The following ARHGAP8 variants were observed in gnomAD, a reference collection of about 807,000 sequenced individuals.
The protein encoded by ARHGAP8 is rho GTPase-activating protein 8.
Under a neutral mutation model 46.1 loss-of-function variants are expected in ARHGAP8, and 62 were observed. The ratio of observed to expected loss-of-function variants is 1.34; its 90% CI spans 1.10 to 1.66. ARHGAP8 has a LOEUF of 1.66. Ranked by LOEUF, ARHGAP8 falls within the 40% of genes most tolerant of loss-of-function variation. The probability of loss-of-function intolerance (pLI) is 0.00; values close to 1 mark genes in which losing one functional copy is unlikely to be tolerated. For synonymous variants in ARHGAP8, 375 were observed against 243.1 expected, an observed-to-expected ratio of 1.54 and a Z score of -5.05; for missense variants, 923 against 568.4, an observed-to-expected ratio of 1.62 and a Z score of -6.34.
At position 44,854,052 on chromosome 22, in the gene ARHGAP8, A is replaced by T. The variant is rs1046961518; in HGVS notation, c.877+4992A>T. Among the ~76,000 whole-genome samples the T allele has an allele frequency of 1.0e-3, 139 of 137,804 alleles. 2 individuals carry two copies. The highest frequency in any genetic ancestry group is 1.8e-3 in the Non-Finnish European group (114 of 62,640). The allele number at this position is 137,804 out of a possible 152,430, so 90.4% of individuals were successfully genotyped here. ...AAAAAAAAAAAAAAAAAAAAAAAAAAAAAAAAAAAACCATCAGACTTTGCC... is the reference window on the plus strand; with the variant it reads ...AAAAAAAAAAAAAAAAAAAAAAAAATAAAAAAAAAACCATCAGACTTTGCC... On this transcript the variant is annotated intron_variant, in intron 10 of 11. Transcript: ENST00000356099.
intron 11 of ARHGAP8, among the ~76,000 whole-genome samples, chr22:44,860,091 G>C (rs879698773): frequency 2.0e-5 from 3 of 152,110 alleles, no homozygotes; most frequent in Admixed American, 1.3e-4. Flanking sequence ...GCCATTGCCA[G>C]TGACTTTTGT....
chr22:44,792,810 GGTTTTTTTT>G (rs1927794975), intron 2 of ARHGAP8, among the ~76,000 whole-genome samples: 1 of 138,222 alleles, frequency 7.2e-6, no homozygotes, highest in Non-Finnish European at 1.5e-5. Flanking sequence ...TGGTGGTGGT[GGTTTTTTTT>G]GTTTTTTTGG....
At chr22:44,800,747 G>A (rs575921084) in intron 2 of ARHGAP8, among the ~76,000 whole-genome samples, 3 of 12,524 alleles carry the variant, frequency 2.4e-4, no homozygotes, top group African/African-American at 1.8e-3. Flanking sequence ...GCAGCTGTCC[G>A]TGTGTGGGGG....
At chr22:44,821,171 C>T (rs953481737) in intron 5 of ARHGAP8, among the ~76,000 whole-genome samples, 14 of 152,290 alleles carry the variant, frequency 9.2e-5, no homozygotes, top group African/African-American at 3.4e-4. Flanking sequence ...GTGGCTCATG[C>T]CTGTAATCCC....
At chr22:44,813,509 A>C (rs916214807) in intron 4 of ARHGAP8, among the ~76,000 whole-genome samples, 1 of 150,930 alleles carries the variant, frequency 6.6e-6, no homozygotes, top group Non-Finnish European at 1.5e-5. Flanking sequence ...TTACACCTAC[A>C]TACACATACA....
intron 10 of ARHGAP8, 37 bp downstream of exon 10, chr22:44,849,097 G>T (rs1036903864): frequency 6.2e-7 from 1 of 1,611,094 alleles, no homozygotes. Context: ...GGGGGGCTTG[G>T]TCCTCAGATG....
At position 44,800,583 on chromosome 22, in the gene ARHGAP8, A is replaced by AGCTGTCCG. The variant is rs1928432892; in HGVS notation, c.80-1494_80-1493insGCTGTCCG. On this transcript the variant is annotated intron_variant, in intron 2 of 11. Coordinates refer to ENST00000356099, the MANE Select transcript of ARHGAP8 (RefSeq NM_181335.3). ...GGGGCGCCCCTCCCCGCAGCTGTCC[A>AGCTGTCCG]TGTGTGGGGGGCGCCCCTCCCCGCA... 3.3e-5 allele frequency among the ~76,000 whole-genome samples: 2 copies of AGCTGTCCG among 59,778 alleles called. 1 individual carries two copies. 39.2% of individuals were successfully genotyped at this position (59,778 alleles called of 152,430 possible).
intron 10 of ARHGAP8, among the ~76,000 whole-genome samples, chr22:44,858,056 C>G (rs553964462): frequency 6.6e-6 from 1 of 152,210 alleles, no homozygotes; most frequent in Non-Finnish European, 1.5e-5. Context: ...GGTTGAAATA[C>G]TCATTTCAAG....
At chr22:44,861,973 C>G (rs930792064) in intron 11 of ARHGAP8, among the ~76,000 whole-genome samples, 12 of 152,188 alleles carry the variant, frequency 7.9e-5, no homozygotes, top group Non-Finnish European at 1.3e-4. Context: ...CAGCCCATCC[C>G]CAAGATTGCA....
At chr22:44,843,678 G>A (rs974196948) in intron 7 of ARHGAP8, among the ~76,000 whole-genome samples, 15 of 151,906 alleles carry the variant, frequency 9.9e-5, no homozygotes, top group African/African-American at 3.6e-4. Flanking sequence ...AAAATTAACT[G>A]GCATGGCATG....
intron 2 of ARHGAP8, among the ~76,000 whole-genome samples, chr22:44,799,459 G>A (rs192729123): frequency 1.6e-4 from 24 of 152,278 alleles, no homozygotes; most frequent in South Asian, 6.2e-4. Context: ...GCAAGGAGGC[G>A]GGAGAGCATT....
chr22:44,846,362 G>A (rs948102530), intron 8 of ARHGAP8, among the ~76,000 whole-genome samples: 1 of 152,228 alleles, frequency 6.6e-6, no homozygotes, highest in African/African-American at 2.4e-5. Flanking sequence ...GGGGCCTGGA[G>A]AGCCCCTCCT....
chr22:44,822,628 G>C (rs1930238795), intron 6 of ARHGAP8, among the ~76,000 whole-genome samples, 159 bp downstream of exon 6: 1 of 152,180 alleles, frequency 6.6e-6, no homozygotes, highest in South Asian at 2.1e-4. Context: ...CGCAGCAAAA[G>C]GTGCTAACTG....
chr22:44,862,762 A>C lies in ARHGAP8; in HGVS notation c.*167A>C, dbSNP rs1256436531. The C allele has an allele frequency of 1.2e-6, 1 of 834,984 alleles. No homozygotes were observed. The highest frequency in any genetic ancestry group is 1.8e-6 in the Non-Finnish European group (1 of 566,906). 51.7% of individuals were successfully genotyped at this position (834,984 alleles called of 1,614,324 possible). Reference sequence around the variant, plus strand: ...CTTGGACTCTTGTCCATGGTTCCTGAGCTGTGGACCGGGATAGAATAATGC... The same window carrying C: ...CTTGGACTCTTGTCCATGGTTCCTGCGCTGTGGACCGGGATAGAATAATGC... On this transcript the variant is annotated 3_prime_UTR_variant, in exon 12 of 12. Transcript: ENST00000356099.
At chr22:44,803,826 C>T (rs1053804407) in intron 3 of ARHGAP8, among the ~76,000 whole-genome samples, 11 of 147,834 alleles carry the variant, frequency 7.4e-5, no homozygotes, top group Non-Finnish European at 1.6e-4. Context: ...TGCTCTCATA[C>T]ACACACACCT....
At chr22:44,804,618 C>A (rs902954201) in intron 3 of ARHGAP8, among the ~76,000 whole-genome samples, 1 of 152,162 alleles carries the variant, frequency 6.6e-6, no homozygotes, top group Non-Finnish European at 1.5e-5. Context: ...CAGGACGTGA[C>A]CCTGGCGGGG....
intron 2 of ARHGAP8, among the ~76,000 whole-genome samples, chr22:44,797,723 G>A (rs1170982301): frequency 2.0e-5 from 3 of 152,206 alleles, no homozygotes; most frequent in Non-Finnish European, 2.9e-5. Context: ...CAGCCAGGGC[G>A]GGGACATCAA....
In ARHGAP8 at chr22:44,862,171, C is replaced by T. The variant is rs569366763; in HGVS notation, c.982-104C>T. 4.3e-6 allele frequency: 6 copies of T among 1,383,712 alleles called. No individual in the cohort carries two copies. The South Asian group carries it at 6.3e-5, about 15-fold the overall frequency. 85.7% of individuals were successfully genotyped at this position (1,383,712 alleles called of 1,614,324 possible). Reference sequence around the variant, plus strand: ...CTGGCTGCCGGCTCCCAGTCCAGTGCTCCTCTCACTACACCTACGCCTCTC... The same window carrying T: ...CTGGCTGCCGGCTCCCAGTCCAGTGTTCCTCTCACTACACCTACGCCTCTC... On this transcript the variant is annotated intron_variant, in intron 11 of 11. Transcript: ENST00000356099.
At chr22:44,809,115 C>G (rs1376339974) in intron 4 of ARHGAP8, 2 of 470,744 alleles carry the variant, frequency 4.2e-6, no homozygotes, top group Admixed American at 4.7e-5. Flanking sequence ...GCCACCATGC[C>G]AAGCCAACAC....
Sources: gnomAD v4.1 joint callset for allele counts (sites outside exome capture counted in the v4.1 genomes callset) on GRCh38, gnomAD v4.1.1 for gene constraint, MANE v1.5 for transcripts, NCBI Gene and HGNC (gene_info 2026-07-23, HGNC 2026-07-21) for gene names.